The following ITPRID1 variants were observed in gnomAD, a reference collection of about 807,000 sequenced individuals.
ITPRID1 encodes ITPR interacting domain containing 1.
A neutral mutation model predicts 95.4 loss-of-function variants in ITPRID1; 96 were observed. The ratio of observed to expected loss-of-function variants is 1.01; its 90% CI spans 0.85 to 1.19. The LOEUF (loss-of-function observed/expected upper bound fraction) is 1.19. ITPRID1 is among the 50% of genes most tolerant of loss of function. The pLI is 0.00. For missense variants in ITPRID1, 1,339 were observed against 1,252.9 expected, an observed-to-expected ratio of 1.07 and a Z score of -1.04; for synonymous variants, 510 against 453.6, an observed-to-expected ratio of 1.12 and a Z score of -1.58.
chr7:31,642,841 A>G lies in ITPRID1; in HGVS notation c.1471A>G (p.Asn491Asp), dbSNP rs1562649164. 1 of 1,614,016 alleles carries G rather than the reference A, an allele frequency of 6.2e-7. No homozygotes were observed. The highest frequency in any genetic ancestry group is 2.2e-5 in the East Asian group (1 of 44,862). ...ASMSFSSQEA[N>D]ALEQRASVSV... Reference sequence around the variant, plus strand: ...CATGTCTTTTTCAAGCCAAGAAGCGAATGCCTTGGAACAAAGGGCCTCAGT... The same window carrying G: ...CATGTCTTTTTCAAGCCAAGAAGCGGATGCCTTGGAACAAAGGGCCTCAGT... The change falls in exon 12 of 15, where the codon AAT becomes GAT. Residue 491 changes from asparagine to aspartate, a missense_variant. Asn to Asp is a conservative substitution (Grantham distance 23). Coordinates refer to ENST00000615280, the MANE Select transcript of ITPRID1 (RefSeq NM_001257967.3).
intron 9 of ITPRID1, among the ~76,000 whole-genome samples, chr7:31,582,741 G>T (rs1785449753): frequency 6.6e-6 from 1 of 151,958 alleles, no homozygotes; most frequent in Admixed American, 6.6e-5. Flanking sequence ...TTTGAAAAAT[G>T]TCTAAGCACT....
rs370746958 is a variant in ITPRID1, at chr7:31,526,321, C to A, written c.-98+12201C>A. Among the ~76,000 whole-genome samples the A allele has an allele frequency of 2.6e-5, 4 of 152,140 alleles. No homozygotes were observed. The East Asian group carries it at 5.8e-4, about 22-fold the overall frequency. ...TTATGATGGGTTTATTGGGGGTTAA[C>A]CCCATTATAAATCAAGAAGCATTTG... On this transcript the variant is annotated intron_variant, in intron 1 of 14. Transcript: ENST00000615280.
At chr7:31,607,173 T>G (rs1180473329) in intron 10 of ITPRID1, among the ~76,000 whole-genome samples, 1 of 152,186 alleles carries the variant, frequency 6.6e-6, no homozygotes, top group Non-Finnish European at 1.5e-5. Flanking sequence ...GTCCTCAGTG[T>G]GCTTTCCCAC....
intron 10 of ITPRID1, among the ~76,000 whole-genome samples, chr7:31,596,177 A>G (rs903340048): frequency 1.3e-5 from 2 of 151,470 alleles, no homozygotes; most frequent in African/African-American, 4.8e-5. Context: ...GAAAAGATAA[A>G]TAAGCTAATA....
chr7:31,642,245 C>A lies in ITPRID1; in HGVS notation c.1298C>A (p.Pro433Gln), dbSNP rs748190032. 1.9e-5 allele frequency: 30 copies of A among 1,552,724 alleles called. No individual in the cohort carries two copies. The highest frequency in any genetic ancestry group is 2.4e-5 in the Non-Finnish European group (28 of 1,147,912). ...SSGFLEEPLEPLPLQMPSLPN... is the reference protein window; with the variant it reads ...SSGFLEEPLEQLPLQMPSLPN... ...GGGTTCCTGGAGGAGCCGCTGGAAC[C>A]GCTGCCCCTCCAGGTAGGAGGGTTT... Residue 433 changes from proline to glutamine, a missense_variant, in exon 11 of 15, where the codon CCG becomes CAG. Transcript: ENST00000615280.
At chr7:31,632,746 G>C (rs1789126853) in intron 10 of ITPRID1, among the ~76,000 whole-genome samples, 1 of 152,076 alleles carries the variant, frequency 6.6e-6, no homozygotes. Context: ...CTGAAGCCCA[G>C]CTGGGTGACA....
intron 5 of ITPRID1, among the ~76,000 whole-genome samples, chr7:31,559,194 C>A (rs550828789): frequency 6.6e-6 from 1 of 152,090 alleles, no homozygotes; most frequent in East Asian, 1.9e-4. Flanking sequence ...TAAATGAGCT[C>A]CCTTCCACTG....
intron 1 of ITPRID1, among the ~76,000 whole-genome samples, chr7:31,518,773 T>C: frequency 6.6e-6 from 1 of 152,242 alleles, no homozygotes; most frequent in East Asian, 1.9e-4. Context: ...CAATCTCATA[T>C]GTTCAGGCTT....
intron 1 of ITPRID1, among the ~76,000 whole-genome samples, chr7:31,516,757 A>T (rs1783053328): frequency 6.6e-6 from 1 of 151,982 alleles, no homozygotes; most frequent in African/African-American, 2.4e-5. Flanking sequence ...CTTCTCTGTG[A>T]CAAGATGTGA....
At chr7:31,627,831 G>GAATT (rs1170726209) in intron 10 of ITPRID1, among the ~76,000 whole-genome samples, 1 of 151,978 alleles carries the variant, frequency 6.6e-6, no homozygotes, top group East Asian at 1.9e-4. Flanking sequence ...AGATTAATTG[G>GAATT]AATTAAAATG....
At chr7:31,550,005 A>G (rs566843775) in intron 2 of ITPRID1, among the ~76,000 whole-genome samples, 32 of 152,172 alleles carry the variant, frequency 2.1e-4, no homozygotes, top group Non-Finnish European at 4.0e-4. Context: ...AGGAGCATGT[A>G]TGGATGAATT....
At chr7:31,650,892 C>A (rs2128219397) in intron 12 of ITPRID1, among the ~76,000 whole-genome samples, 1 of 152,296 alleles carries the variant, frequency 6.6e-6, no homozygotes, top group Admixed American at 6.5e-5. Context: ...TGCCTTCCAG[C>A]CTCTGGGACA....
chr7:31,566,775 A>G (rs1047455672), intron 5 of ITPRID1, among the ~76,000 whole-genome samples: 2 of 152,148 alleles, frequency 1.3e-5, no homozygotes, highest in Non-Finnish European at 2.9e-5. Flanking sequence ...AACTTCAATC[A>G]ATTGGCAGTG....
chr7:31,615,706 C>A (rs1235581976), intron 10 of ITPRID1, among the ~76,000 whole-genome samples: 2 of 151,572 alleles, frequency 1.3e-5, no homozygotes, highest in Admixed American at 1.3e-4. Flanking sequence ...ACTAAGTGAC[C>A]AATTGAAGGC....
chr7:31,567,849 G>A (rs1453670529), intron 5 of ITPRID1, among the ~76,000 whole-genome samples: 1 of 152,194 alleles, frequency 6.6e-6, no homozygotes, highest in African/African-American at 2.4e-5. Flanking sequence ...ACTATTGCCA[G>A]GCGTGGTGGC....
rs184565842 is a variant in ITPRID1 at position 31,527,994 on chromosome 7, A to G, written c.-98+13874A>G. 6.6e-5 allele frequency among the ~76,000 whole-genome samples: 10 copies of G among 152,270 alleles called. No individual in the cohort carries two copies. The East Asian group carries it at 1.9e-3, about 29-fold the overall frequency. On this transcript the variant is annotated intron_variant, in intron 1 of 14. Transcript: ENST00000615280. ...TCATGGACCACTATATATATAACAC[A>G]ACACATTAATTTTCATGAAGAAAAT...
chr7:31,532,577 A>G (rs1019303554), intron 1 of ITPRID1, among the ~76,000 whole-genome samples: 2 of 152,170 alleles, frequency 1.3e-5, no homozygotes, highest in Non-Finnish European at 2.9e-5. Context: ...AATGTTGTCA[A>G]ATTCCTTTTC....
At chr7:31,618,187 C>T (rs1787452497) in intron 10 of ITPRID1, among the ~76,000 whole-genome samples, 1 of 152,212 alleles carries the variant, frequency 6.6e-6, no homozygotes, top group East Asian at 1.9e-4. Context: ...TTTCCCCAAA[C>T]TTAAGATCAG....
intron 10 of ITPRID1, among the ~76,000 whole-genome samples, chr7:31,583,514 G>A (rs1583531295): frequency 6.6e-6 from 1 of 152,138 alleles, no homozygotes; most frequent in South Asian, 2.1e-4. Context: ...TGTAATCCCA[G>A]CTATTTGGGA....
Sources: gnomAD v4.1 joint callset for allele counts (sites outside exome capture counted in the v4.1 genomes callset) on GRCh38, gnomAD v4.1.1 for gene constraint, MANE v1.5 for transcripts, NCBI Gene and HGNC (gene_info 2026-07-23, HGNC 2026-07-21) for gene names.